Variants in TFEC observed in about 807,000 individuals in gnomAD.
The protein encoded by TFEC is transcription factor EC.
In TFEC, 31 loss-of-function variants were observed where a neutral mutation model predicts 41.6. That is an observed-to-expected ratio of 0.74 (90% CI 0.56 to 1.01). The LOEUF (loss-of-function observed/expected upper bound fraction) is 1.01. Among genes scored for constraint, TFEC ranks in the 50% least tolerant of loss-of-function variants. The pLI is 0.00. For synonymous variants in TFEC, 143 were observed against 140.6 expected (o/e 1.02, Z -0.12); for missense variants, 402 against 404.1 (o/e 0.99, Z 0.04).
At chr7:115,963,709 G>C (rs1006403141) in intron 3 of TFEC, among the ~76,000 whole-genome samples, 9 of 151,718 alleles carry the variant, frequency 5.9e-5, no homozygotes, top group African/African-American at 2.2e-4. Context: ...ACCTAGAATA[G>C]TGAAATTCAT....
In TFEC at chr7:116,090,493, G is replaced by A. The variant is rs117643988; in HGVS notation, c.198+20215C>T. ...TTTTGTCCAATTCTTCATTCGAGAC[G>A]CCAAGAACCCGGACACCCTCCACTG... is the stretch of plus-strand genomic sequence containing the variant. On this transcript the variant is annotated intron_variant, in intron 3 of 8. Transcript: ENST00000484212. Among the ~76,000 whole-genome samples, 512 of 152,026 alleles carry A rather than the reference G, an allele frequency of 3.4e-3. 13 individuals are homozygous for A. Among genetic ancestry groups the A allele is most frequent in the East Asian group, 0.031 (159 of 5,156 alleles).
intron 2 of TFEC, among the ~76,000 whole-genome samples, chr7:115,974,748 AC>A: frequency 6.6e-6 from 1 of 151,966 alleles, no homozygotes; most frequent in African/African-American, 2.4e-5. Flanking sequence ...GTTAAATATT[AC>A]CCAGTACATT....
Position 115,950,917 on chromosome 7 carries a change from G to A in TFEC, c.472C>T (p.Arg158Ter), listed in dbSNP as rs747913528. Reference sequence around the variant, plus strand: ...ATAAGAGTGCCAAGCTCCTTGATTCGGTAATTAATATTATACCTTCTTCTT... The same window carrying A: ...ATAAGAGTGCCAAGCTCCTTGATTCAGTAATTAATATTATACCTTCTTCTT... ...ERRRRYNINY[R>*]IKELGTLIPK... Residue 158 changes from arginine (R) to a stop codon, truncating the protein, a stop_gained, in exon 6 of 8, where the codon CGA (arginine) becomes TGA (stop). Coordinates refer to ENST00000265440, the MANE Select transcript of TFEC (RefSeq NM_012252.4). LOFTEE classifies it high-confidence loss of function. 3.1e-6 allele frequency: 5 copies of A among 1,601,538 alleles called. 1 individual carries two copies. The South Asian group carries it at 3.4e-5, about 11-fold the overall frequency.
intron 1 of TFEC, among the ~76,000 whole-genome samples, chr7:116,143,201 A>G (rs1798575785): frequency 6.6e-6 from 1 of 152,232 alleles, no homozygotes; most frequent in South Asian, 2.1e-4. Flanking sequence ...TGAGAAGGAC[A>G]GACCCAATCT....
At chr7:116,143,325 C>T (rs953854027) in intron 1 of TFEC, among the ~76,000 whole-genome samples, 2 of 152,162 alleles carry the variant, frequency 1.3e-5, no homozygotes, top group Non-Finnish European at 2.9e-5. Flanking sequence ...ATCTTATCTG[C>T]ACCTCTATAC....
At chr7:116,127,415 CGTGTCGTTTAGTTGATGAGAATAATTT>C (rs1309946707) in intron 1 of TFEC, among the ~76,000 whole-genome samples, 3 of 152,086 alleles carry the variant, frequency 2.0e-5, no homozygotes, top group Non-Finnish European at 2.9e-5. Flanking sequence ...TGTAATAATT[CGTGTCGTTTAGTTGATGAGAATAATTT>C]GTTTACTTTT....
chr7:116,063,755 G>C (rs779235237), intron 3 of TFEC, among the ~76,000 whole-genome samples: 7 of 152,262 alleles, frequency 4.6e-5, no homozygotes, highest in Non-Finnish European at 7.4e-5. Context: ...GTTCATCCAT[G>C]TTTTTACAAT....
At chr7:116,112,097 A>C in intron 1 of TFEC, 1 of 848,128 alleles carries the variant, frequency 1.2e-6, no homozygotes, top group Non-Finnish European at 1.4e-6. Context: ...TACTGTTCTT[A>C]TTTGATTCAT....
At chr7:116,021,565 G>A (rs1795396226) in intron 1 of TFEC, among the ~76,000 whole-genome samples, 1 of 152,128 alleles carries the variant, frequency 6.6e-6, no homozygotes, top group Non-Finnish European at 1.5e-5. Flanking sequence ...TCTCTCACTG[G>A]TCCCAAGAAA....
chr7:115,945,260 C>T (rs1169888339), intron 6 of TFEC, among the ~76,000 whole-genome samples: 1 of 151,222 alleles, frequency 6.6e-6, no homozygotes, highest in African/African-American at 2.4e-5. Flanking sequence ...CTACCCTTCC[C>T]TTTTTCCAGC....
chr7:115,953,546 T>C (rs1025661126), intron 5 of TFEC, among the ~76,000 whole-genome samples: 1 of 152,068 alleles, frequency 6.6e-6, no homozygotes, highest in Non-Finnish European at 1.5e-5. Context: ...AGAGAGAAGG[T>C]AGGATTAAGG....
chr7:116,099,684 A>T (rs1181467380), intron 3 of TFEC, among the ~76,000 whole-genome samples: 3 of 152,228 alleles, frequency 2.0e-5, no homozygotes, highest in African/African-American at 4.8e-5. Context: ...ACCCAACAAG[A>T]TGCAGAATGG....
At chr7:116,010,810 T>C (rs992444870) in intron 1 of TFEC, among the ~76,000 whole-genome samples, 6 of 152,212 alleles carry the variant, frequency 3.9e-5, no homozygotes, top group African/African-American at 1.4e-4. Flanking sequence ...TTGTTTAAAG[T>C]CTGTGCGTGT....
chr7:116,128,064 C>A (rs1027651445), intron 1 of TFEC, among the ~76,000 whole-genome samples: 1 of 152,182 alleles, frequency 6.6e-6, no homozygotes. Context: ...CATAACTTTT[C>A]TATTGCACAA....
upstream of TFEC, among the ~76,000 whole-genome samples, chr7:116,034,755 T>C (rs1284883851): frequency 6.6e-6 from 1 of 151,936 alleles, no homozygotes; most frequent in African/African-American, 2.4e-5. Context: ...GCTGATCATG[T>C]AGCTTTTCTA....
At chr7:116,038,687 C>T (rs913988734) in intron 3 of TFEC, among the ~76,000 whole-genome samples, 5 of 152,000 alleles carry the variant, frequency 3.3e-5, no homozygotes, top group African/African-American at 1.2e-4. Context: ...TGGCATGTCT[C>T]ATGATTGACA....
In TFEC at chr7:116,147,926, TG is replaced by T. The variant is rs1385375030; in HGVS notation, c.-69+11863del. On this transcript the variant is annotated intron_variant, in intron 1 of 8. Transcript: ENST00000484212. ...TGCTCCACTAGAGTTTACATTTCAA[TG>T]GGGGGAAGAGCCAATAAATAATAAC... 2.6e-5 allele frequency among the ~76,000 whole-genome samples: 4 copies of T among 152,020 alleles called. No homozygotes were observed. In the South Asian group the frequency reaches 6.2e-4, roughly 24 times the overall value.
intron 3 of TFEC, among the ~76,000 whole-genome samples, chr7:116,044,825 G>T (rs1218156347): frequency 3.3e-5 from 5 of 152,318 alleles, no homozygotes; most frequent in African/African-American, 1.2e-4. Flanking sequence ...ATACTCCACT[G>T]GGACAGGCTA....
intron 1 of TFEC, among the ~76,000 whole-genome samples, chr7:116,005,262 C>G (rs1459117758): frequency 1.3e-5 from 2 of 152,098 alleles, no homozygotes; most frequent in Non-Finnish European, 1.5e-5. Flanking sequence ...ATAGGTGGAA[C>G]AGTTTGGAGG....
Sources: allele counts gnomAD v4.1 joint callset (sites outside exome capture counted in the v4.1 genomes callset), GRCh38; gene constraint gnomAD v4.1.1; transcripts MANE v1.5; gene names NCBI Gene and HGNC (gene_info 2026-07-23, HGNC 2026-07-21).